Variants in COL5A2 observed in about 807,000 individuals in gnomAD.
The protein encoded by COL5A2 is collagen alpha-2(V) chain.
COL5A2 carries 23 observed loss-of-function variants against 208.2 expected under a neutral mutation model. The observed-to-expected ratio is 0.11, with a 90% CI of 0.08 to 0.16. The LOEUF (loss-of-function observed/expected upper bound fraction) is 0.16, where lower values mean the gene tolerates loss of function less well. Ranked by LOEUF, COL5A2 falls within the 10% of genes least tolerant of loss-of-function variation. COL5A2 has a pLI of 1.00. For synonymous variants in COL5A2, 625 were observed against 628.5 expected (o/e 0.99, Z 0.08); for missense variants, 1,590 against 1,956.4 (o/e 0.81, Z 3.53).
chr2:189,394,408 G>T, the COL5A2 span, among the ~76,000 whole-genome samples: 1 of 152,138 alleles, frequency 6.6e-6, no homozygotes, highest in Non-Finnish European at 1.5e-5. Context: ...TGGATATGGG[G>T]ACCTTTGGAA....
At chr2:189,058,924 C>A in intron 31 of COL5A2, 31 bp from the exon 32 acceptor site, 2 of 1,597,100 alleles carry the variant, frequency 1.3e-6, no homozygotes, top group Non-Finnish European at 1.7e-6. Context: ...TTTAATGGAA[C>A]AAGAGCTTTG....
chr2:189,060,752 T>C lies in COL5A2; in HGVS notation c.2063A>G (p.Glu688Gly), dbSNP rs1559084457. ...GLPGPPGPPG[E>G]GGKPGDQGVP... is the part of the protein sequence containing the mutation. Reference sequence around the variant, plus strand: ...TACTTGATCACCTGGTTTTCCACCTTCTCCAGGAGGCCCTGGAGGACCAGG... The same window carrying C: ...TACTTGATCACCTGGTTTTCCACCTCCTCCAGGAGGCCCTGGAGGACCAGG... The change falls in exon 31 of 54, where the codon GAA (glutamate) becomes GGA (glycine). Residue 688 changes from glutamate (E) to glycine (G), a missense_variant. Physicochemically the swap from Glu to Gly is moderately conservative, Grantham distance 98. Transcript: ENST00000374866. 6.2e-7 allele frequency: 1 copy of C among 1,613,556 alleles called. No individual in the cohort carries two copies. Among genetic ancestry groups the C allele is most frequent in the Non-Finnish European group, 8.5e-7 (1 of 1,179,586 alleles).
the COL5A2 span, among the ~76,000 whole-genome samples, chr2:189,420,266 T>A: frequency 2.0e-5 from 3 of 152,196 alleles, no homozygotes; most frequent in East Asian, 5.8e-4. Context: ...GGAGAACTGA[T>A]TTAATTCAGA....
At chr2:189,058,044 T>A (rs1488932387) in intron 33 of COL5A2, among the ~76,000 whole-genome samples, 2 of 152,206 alleles carry the variant, frequency 1.3e-5, no homozygotes, top group East Asian at 1.9e-4. Context: ...TAAGCAGAAT[T>A]GTGAAACCTG....
the COL5A2 span, among the ~76,000 whole-genome samples, chr2:189,319,951 C>T: frequency 3.9e-5 from 6 of 152,168 alleles, no homozygotes; most frequent in Admixed American, 3.9e-4. Context: ...TGGCCGGGTA[C>T]CCCTCTGAGA....
At chr2:189,436,619 G>A in the COL5A2 span, among the ~76,000 whole-genome samples, 2 of 152,100 alleles carry the variant, frequency 1.3e-5, no homozygotes, top group East Asian at 3.8e-4. Context: ...ATCAATGATA[G>A]ACTGGATGAA....
At chr2:189,275,107 C>T in the COL5A2 span, among the ~76,000 whole-genome samples, 1 of 152,040 alleles carries the variant, frequency 6.6e-6, no homozygotes, top group African/African-American at 2.4e-5. Flanking sequence ...AAGCATGAGC[C>T]ATATATCAGT....
At chr2:189,141,247 C>T (rs1029228340) in intron 1 of COL5A2, among the ~76,000 whole-genome samples, 5 of 152,012 alleles carry the variant, frequency 3.3e-5, no homozygotes, top group Admixed American at 6.6e-5. Flanking sequence ...AATTAATATG[C>T]GTAAGGTTAC....
At chr2:189,078,886 G>C (rs1323722665) in intron 15 of COL5A2, among the ~76,000 whole-genome samples, 177 bp downstream of exon 15, 1 of 152,144 alleles carries the variant, frequency 6.6e-6, no homozygotes, top group African/African-American at 2.4e-5. Flanking sequence ...AACCTTTTCT[G>C]TTAGAAGGGC....
At chr2:189,260,428 A>G in the COL5A2 span, among the ~76,000 whole-genome samples, 1 of 152,202 alleles carries the variant, frequency 6.6e-6, no homozygotes, top group Admixed American at 6.5e-5. Flanking sequence ...AGTCAGTCTC[A>G]TGGGGAGCAG....
chr2:189,353,091 A>G, the COL5A2 span, among the ~76,000 whole-genome samples: 2 of 152,062 alleles, frequency 1.3e-5, no homozygotes, highest in Non-Finnish European at 2.9e-5. Context: ...CAAAGATCAG[A>G]TGGTTGTAGA....
chr2:189,292,670 C>T, the COL5A2 span, among the ~76,000 whole-genome samples: 244 of 152,264 alleles, frequency 1.6e-3, 1 homozygote, highest in African/African-American at 5.4e-3. Flanking sequence ...TGTAAACTAG[C>T]TGAACCATTG....
the COL5A2 span, among the ~76,000 whole-genome samples, chr2:189,337,735 G>C: frequency 6.6e-6 from 1 of 151,004 alleles, no homozygotes; most frequent in African/African-American, 2.4e-5. Context: ...AGATCATGCA[G>C]AACAGCTGAG....
intron 25 of COL5A2, 149 bp from the exon 26 acceptor site, chr2:189,064,182 A>G (rs1576502953): frequency 1.5e-6 from 1 of 659,142 alleles, no homozygotes; most frequent in African/African-American, 1.8e-5. Flanking sequence ...TATTGTTAAA[A>G]TTTTTCAGAA....
chr2:189,266,736 T>C, the COL5A2 span, among the ~76,000 whole-genome samples: 3 of 152,110 alleles, frequency 2.0e-5, no homozygotes, highest in Admixed American at 6.6e-5. Context: ...GAAAAAATAC[T>C]GAATTATACA....
intron 19 of COL5A2, 145 bp downstream of exon 19, chr2:189,068,641 C>A: frequency 2.9e-6 from 2 of 678,874 alleles, no homozygotes; most frequent in South Asian, 1.7e-5. Flanking sequence ...TATTACACAT[C>A]TTAGGCATAT....
chr2:189,227,372 T>G (rs942324650), upstream of COL5A2, among the ~76,000 whole-genome samples: 7 of 152,282 alleles, frequency 4.6e-5, no homozygotes, highest in African/African-American at 1.4e-4. Flanking sequence ...AGTTCTCCTC[T>G]ATCAGTAATT....
intron 1 of COL5A2, among the ~76,000 whole-genome samples, chr2:189,172,772 T>C (rs571047560): frequency 6.6e-6 from 1 of 152,134 alleles, no homozygotes; most frequent in East Asian, 1.9e-4. Flanking sequence ...GAATTCACAA[T>C]TCTGATTGGG....
At chr2:189,097,480 T>C (rs529436586) in intron 5 of COL5A2, 150 bp from the exon 6 acceptor site, 49 of 820,784 alleles carry the variant, frequency 6.0e-5, no homozygotes, top group African/African-American at 3.9e-4. Flanking sequence ...GCCATGTGCA[T>C]ATAAAAGTTC....
Sources: allele counts gnomAD v4.1 joint callset (sites outside exome capture counted in the v4.1 genomes callset), GRCh38; gene constraint gnomAD v4.1.1; transcripts MANE v1.5; gene names NCBI Gene and HGNC (gene_info 2026-07-23, HGNC 2026-07-21).